The following ADAM10 variants were observed in gnomAD, a reference collection of about 807,000 sequenced individuals.
ADAM10 encodes ADAM metallopeptidase domain 10.
In ADAM10, 17 loss-of-function variants were observed where a neutral mutation model predicts 90.1. That is an observed-to-expected ratio of 0.19 (90% CI 0.13 to 0.28). ADAM10 has a LOEUF of 0.28. ADAM10 is among the 10% of genes least tolerant of loss of function. ADAM10 has a pLI of 1.00. For synonymous variants in ADAM10, 310 were observed against 298.6 expected, an observed-to-expected ratio of 1.04 and a Z score of -0.40; for missense variants, 610 against 914.3, an observed-to-expected ratio of 0.67 and a Z score of 4.29.
chr15:58,700,310 A>C (rs1898096562), intron 2 of ADAM10, among the ~76,000 whole-genome samples: 1 of 152,230 alleles, frequency 6.6e-6, no homozygotes, highest in Non-Finnish European at 1.5e-5. Context: ...CAGCACATGA[A>C]ATACTCTCGA....
intron 9 of ADAM10, among the ~76,000 whole-genome samples, chr15:58,628,919 T>TC (rs1470879592): frequency 6.6e-6 from 1 of 152,218 alleles, no homozygotes; most frequent in African/African-American, 2.4e-5. Context: ...TCCTCTACTA[T>TC]CACCTTTATT....
rs1239283810 is a variant in ADAM10 at position 58,646,220 on chromosome 15, T to G, written c.586-16A>C. Reference sequence around the variant, plus strand: ...CTTGAGGTATCTATACATCAAAAAGTCATTTCTGACAATTAGTATGCTTCA... The same window carrying G: ...CTTGAGGTATCTATACATCAAAAAGGCATTTCTGACAATTAGTATGCTTCA... On this transcript the variant is annotated splice_polypyrimidine_tract_variant and intron_variant, in intron 5 of 15. Coordinates refer to ENST00000260408, the MANE Select transcript of ADAM10 (RefSeq NM_001110.4). The G allele has an allele frequency of 6.2e-7, 1 of 1,609,508 alleles. No individual in the cohort carries two copies. The highest frequency in any genetic ancestry group is 1.3e-5 in the African/African-American group (1 of 75,006).
chr15:58,682,536 T>C (rs1464318131), intron 2 of ADAM10, among the ~76,000 whole-genome samples: 1 of 152,140 alleles, frequency 6.6e-6, no homozygotes, highest in Non-Finnish European at 1.5e-5. Flanking sequence ...AGTAACTGTC[T>C]AGGATGTTAA....
In ADAM10 at chr15:58,646,001, T is replaced by C. The variant is rs149545208; in HGVS notation, c.735+54A>G. 55 of 1,586,032 alleles carry C rather than the reference T, an allele frequency of 3.5e-5. No individual in the cohort carries two copies. In the East Asian group the frequency reaches 9.0e-4, roughly 26 times the overall value. On this transcript the variant is annotated intron_variant, in intron 6 of 15. Transcript: ENST00000260408. Reference sequence around the variant, plus strand: ...TAACTTAAATTTTTAAAGGAAAGAATAGGCATTATAAAACAATATGGGAAC... The same window carrying C: ...TAACTTAAATTTTTAAAGGAAAGAACAGGCATTATAAAACAATATGGGAAC...
chr15:58,689,952 C>CCCCA (rs1555418398), intron 2 of ADAM10, among the ~76,000 whole-genome samples: 6 of 108,900 alleles, frequency 5.5e-5, no homozygotes, highest in South Asian at 7.0e-4. Context: ...AGACCCCCCC[C>CCCCA]AAAAAAAAAA....
chr15:58,597,446 C>A lies in ADAM10; in HGVS notation c.*101G>T. ...CTTGCCATTTTTTCTTCAACTGTTACTTGTGAGGGTTTAGTTTGGAGATGA... is the reference window on the plus strand; with the variant it reads ...CTTGCCATTTTTTCTTCAACTGTTAATTGTGAGGGTTTAGTTTGGAGATGA... On this transcript the variant is annotated 3_prime_UTR_variant, in exon 16 of 16. Transcript: ENST00000260408. 1 of 1,591,110 alleles carries A rather than the reference C, an allele frequency of 6.3e-7. No individual in the cohort carries two copies.
rs192310237 is a variant in ADAM10, at chr15:58,594,046, A to G, written c.*3501T>C. On this transcript the variant is annotated 3_prime_UTR_variant, in exon 16 of 16. Transcript: ENST00000260408. ...AAGTTGTCCTCTGTGGGGCAAACCA[A>G]TTGTCTTTCTAGTTTCTAAGAAGTT... 32 of 152,320 alleles carry G rather than the reference A, an allele frequency of 2.1e-4. No individual in the cohort carries two copies. The highest frequency in any genetic ancestry group is 7.8e-4 in the Admixed American group (12 of 15,304). The allele number at this position is 152,320 out of a possible 1,614,324, so 9.4% of individuals were successfully genotyped here.
At chr15:58,690,305 T>C (rs1897743128) in intron 2 of ADAM10, among the ~76,000 whole-genome samples, 1 of 152,100 alleles carries the variant, frequency 6.6e-6, no homozygotes, top group Non-Finnish European at 1.5e-5. Context: ...ACTGAATGCT[T>C]CTCTCCTAAG....
At position 58,643,955 on chromosome 15, in the gene ADAM10, A is replaced by C; in HGVS notation, c.759T>G (p.Ile253Met). 6.2e-7 allele frequency: 1 copy of C among 1,612,250 alleles called. No homozygotes were observed. Among genetic ancestry groups the C allele is most frequent in the Middle Eastern group, 1.7e-4 (1 of 6,052 alleles). The change falls in exon 7 of 16, where the codon ATT becomes ATG. Residue 253 changes from isoleucine to methionine, a missense_variant. Ile to Met is a conservative substitution (Grantham distance 10). Transcript: ENST00000260408. ...AGTCTGTGGTCTGGTAAATTGTATCAATCGCTTTAACATGACTGGATATCT... is the reference window on the plus strand; with the variant it reads ...AGTCTGTGGTCTGGTAAATTGTATCCATCGCTTTAACATGACTGGATATCT... ...IAQISSHVKA[I>M]DTIYQTTDFS...
At chr15:58,680,927 CCCA>C (rs1471518075) in intron 3 of ADAM10, among the ~76,000 whole-genome samples, 3 of 152,144 alleles carry the variant, frequency 2.0e-5, no homozygotes, top group African/African-American at 7.2e-5. Context: ...CAGCAATCCT[CCCA>C]CGTCAGCCTC....
rs543662947 is a variant in ADAM10 at position 58,712,647 on chromosome 15, G to A, written c.206+4930C>T. Among the ~76,000 whole-genome samples, 40 of 149,070 alleles carry A rather than the reference G, an allele frequency of 2.7e-4. No homozygotes were observed. In the South Asian group the frequency reaches 8.0e-3, roughly 30 times the overall value. On this transcript the variant is annotated intron_variant, in intron 2 of 15. Transcript: ENST00000260408. ...ATCCTGGCTCACATGGTGAAGCCCC[G>A]TCTCTACTAAAAAATACCAAAAAAA...
At position 58,607,900 on chromosome 15, in the gene ADAM10, C is replaced by T. The variant is rs191913875; in HGVS notation, c.2025+2397G>A. On this transcript the variant is annotated intron_variant, in intron 14 of 15. Transcript: ENST00000260408. Reference sequence around the variant, plus strand: ...TATAGAAGAAACTGGAAATGAATTACCAATGCCCTCAATCCCTAATTAAAG... The same window carrying T: ...TATAGAAGAAACTGGAAATGAATTATCAATGCCCTCAATCCCTAATTAAAG... Among the ~76,000 whole-genome samples, 60 of 152,154 alleles carry T rather than the reference C, an allele frequency of 3.9e-4. No individual in the cohort carries two copies. In the East Asian group the frequency reaches 8.7e-3, roughly 22 times the overall value.
intron 1 of ADAM10, among the ~76,000 whole-genome samples, chr15:58,746,445 T>C (rs1286872909): frequency 6.6e-6 from 1 of 152,228 alleles, no homozygotes; most frequent in Admixed American, 6.5e-5. Flanking sequence ...ATACCATTAA[T>C]GTAGGCAATG....
chr15:58,692,149 G>A, intron 2 of ADAM10: 1 of 527,258 alleles, frequency 1.9e-6, no homozygotes, highest in Non-Finnish European at 3.8e-6. Context: ...GATGGACACA[G>A]AGTTGTTCAT....
At chr15:58,743,375 G>A (rs1461915408) in intron 1 of ADAM10, among the ~76,000 whole-genome samples, 2 of 152,028 alleles carry the variant, frequency 1.3e-5, no homozygotes, top group African/African-American at 4.8e-5. Context: ...ACTCCACATA[G>A]ACCATATTTT....
intron 2 of ADAM10, among the ~76,000 whole-genome samples, chr15:58,693,949 G>C (rs1463279904): frequency 2.0e-5 from 3 of 152,262 alleles, no homozygotes; most frequent in African/African-American, 7.2e-5. Context: ...TGGCAAACAA[G>C]CATATGGAAA....
At chr15:58,633,408 C>T (rs908526226) in intron 8 of ADAM10, 49 bp from the exon 9 acceptor site, 11 of 1,518,038 alleles carry the variant, frequency 7.2e-6, no homozygotes, top group Non-Finnish European at 1.0e-5. Context: ...TTCCCCTTAC[C>T]CCCAAAAAGG....
intron 1 of ADAM10, 103 bp downstream of exon 1, chr15:58,749,377 G>A (rs1226386477): frequency 1.6e-6 from 2 of 1,254,866 alleles, no homozygotes; most frequent in Admixed American, 4.4e-5. Context: ...TGGCCGGCTG[G>A]GCTGACTGAC....
At chr15:58,638,464 A>C (rs1042684943) in intron 8 of ADAM10, among the ~76,000 whole-genome samples, 1 of 151,904 alleles carries the variant, frequency 6.6e-6, no homozygotes, top group East Asian at 1.9e-4. Flanking sequence ...AAATATAAAA[A>C]ATTAGCCACG....
Sources: gnomAD v4.1 joint callset for allele counts (sites outside exome capture counted in the v4.1 genomes callset) on GRCh38, gnomAD v4.1.1 for gene constraint, MANE v1.5 for transcripts, NCBI Gene and HGNC (gene_info 2026-07-23, HGNC 2026-07-21) for gene names.